The following ANKS1B variants were observed in gnomAD, a reference collection of about 807,000 sequenced individuals.
ANKS1B encodes ankyrin repeat and sterile alpha motif domain-containing protein 1B.
A neutral mutation model predicts 148.3 loss-of-function variants in ANKS1B; 36 were observed. That is an observed-to-expected ratio of 0.24 (90% confidence interval 0.19 to 0.32). The LOEUF is 0.32. Ranked by LOEUF, ANKS1B falls within the 10% of genes least tolerant of loss-of-function variation. ANKS1B has a pLI of 1.00. For missense variants in ANKS1B, 1,157 were observed against 1,542.6 expected, an observed-to-expected ratio of 0.75 and a Z score of 4.19; for synonymous variants, 542 against 560.8, an observed-to-expected ratio of 0.97 and a Z score of 0.47.
chr12:98,876,761 CT>C (rs1266532714), intron 17 of ANKS1B, among the ~76,000 whole-genome samples: 2 of 152,144 alleles, frequency 1.3e-5, no homozygotes, highest in Non-Finnish European at 2.9e-5. Context: ...AGATACCAAA[CT>C]TTTTAGTTAC....
At chr12:99,560,808 T>C (rs964307991) in intron 9 of ANKS1B, among the ~76,000 whole-genome samples, 14 of 151,572 alleles carry the variant, frequency 9.2e-5, no homozygotes, top group African/African-American at 2.9e-4. Flanking sequence ...TTGCTGAAGA[T>C]TGGGGTTGCA....
At chr12:99,191,819 G>A (rs1016489787) in intron 14 of ANKS1B, among the ~76,000 whole-genome samples, 1 of 152,118 alleles carries the variant, frequency 6.6e-6, no homozygotes, top group African/African-American at 2.4e-5. Context: ...TTCTCCACAT[G>A]TATTTCGGAA....
At chr12:99,628,469 G>A (rs1320756524) in intron 9 of ANKS1B, among the ~76,000 whole-genome samples, 1 of 152,134 alleles carries the variant, frequency 6.6e-6, no homozygotes, top group Non-Finnish European at 1.5e-5. Context: ...CTGGTTACAT[G>A]TGAAAAATAC....
intron 15 of ANKS1B, 76 bp from the exon 16 acceptor site, chr12:99,085,099 C>T (rs1272348938): frequency 8.1e-7 from 1 of 1,232,000 alleles, no homozygotes; most frequent in Admixed American, 2.1e-5. Flanking sequence ...TTATTTAATA[C>T]AGAGAAAACC....
intron 12 of ANKS1B, among the ~76,000 whole-genome samples, chr12:99,370,838 T>C (rs547477754): frequency 7.9e-5 from 12 of 152,200 alleles, no homozygotes; most frequent in Admixed American, 3.3e-4. Context: ...ACAACAAACA[T>C]TGGAATATAG....
At chr12:99,642,880 G>A (rs929074965) in intron 9 of ANKS1B, among the ~76,000 whole-genome samples, 4 of 152,082 alleles carry the variant, frequency 2.6e-5, no homozygotes, top group Admixed American at 2.6e-4. Flanking sequence ...TGTATTCCTT[G>A]GCTCATAGCC....
chr12:99,398,279 T>C, intron 12 of ANKS1B, among the ~76,000 whole-genome samples: 1 of 152,168 alleles, frequency 6.6e-6, no homozygotes, highest in Non-Finnish European at 1.5e-5. Flanking sequence ...AAAGTAATTC[T>C]CTGACTATAT....
intron 12 of ANKS1B, among the ~76,000 whole-genome samples, chr12:99,318,146 C>A (rs1268610197): frequency 6.6e-6 from 1 of 152,078 alleles, no homozygotes; most frequent in Non-Finnish European, 1.5e-5. Flanking sequence ...TGTGTCTCTG[C>A]CAGGCTTTGG....
At position 99,087,761 on chromosome 12, in the gene ANKS1B, G is replaced by T. The variant is rs141089457; in HGVS notation, c.2527-2738C>A. On this transcript the variant is annotated intron_variant, in intron 15 of 26. Transcript: ENST00000683438. Reference sequence around the variant, plus strand: ...CAGCCCATGTAGAATAGAGGACCTGGTTTTTTTGCAGAAACAGAAAGCATA... The same window carrying T: ...CAGCCCATGTAGAATAGAGGACCTGTTTTTTTTGCAGAAACAGAAAGCATA... Among the ~76,000 whole-genome samples the T allele has an allele frequency of 3.3e-3, 504 of 152,202 alleles. 3 individuals are homozygous for T. Among genetic ancestry groups the T allele is most frequent in the African/African-American group, 0.012 (487 of 41,524 alleles).
intron 12 of ANKS1B, among the ~76,000 whole-genome samples, chr12:99,278,155 C>T (rs1045235447): frequency 1.3e-5 from 2 of 152,204 alleles, no homozygotes; most frequent in African/African-American, 4.8e-5. Context: ...CTCTAGCTCC[C>T]TTCATTTAAG....
intron 12 of ANKS1B, among the ~76,000 whole-genome samples, chr12:99,316,200 T>A (rs889569164): frequency 3.3e-5 from 5 of 152,216 alleles, no homozygotes; most frequent in African/African-American, 1.2e-4. Context: ...ATGGGATTGC[T>A]GGGTCAAATG....
At chr12:98,842,650 T>C (rs1166161019) in intron 17 of ANKS1B, among the ~76,000 whole-genome samples, 2 of 152,172 alleles carry the variant, frequency 1.3e-5, no homozygotes, top group Non-Finnish European at 2.9e-5. Flanking sequence ...CAGTATCGTA[T>C]AAATAAGGCC....
intron 10 of ANKS1B, among the ~76,000 whole-genome samples, chr12:99,495,383 T>C (rs11109869): frequency 0.22 from 27,107 of 123,510 alleles, 2,536 homozygotes; most frequent in Middle Eastern, 0.24. Flanking sequence ...GTGTGTGTAG[T>C]TTATAATATT....
intron 8 of ANKS1B, among the ~76,000 whole-genome samples, chr12:99,691,636 C>T (rs2098679860): frequency 6.6e-6 from 1 of 152,164 alleles, no homozygotes; most frequent in African/African-American, 2.4e-5. Context: ...TTTCATTGTC[C>T]ATATCACTAT....
At chr12:98,933,323 T>C (rs1394637152) in intron 17 of ANKS1B, among the ~76,000 whole-genome samples, 1 of 152,306 alleles carries the variant, frequency 6.6e-6, no homozygotes, top group East Asian at 1.9e-4. Context: ...CAGAGTTTCC[T>C]TCTTTTTAAA....
chr12:99,276,823 C>T (rs2153994380), intron 12 of ANKS1B, among the ~76,000 whole-genome samples: 1 of 152,262 alleles, frequency 6.6e-6, no homozygotes, highest in East Asian at 1.9e-4. Context: ...TAAGATTGTG[C>T]TACATATCAG....
intron 17 of ANKS1B, among the ~76,000 whole-genome samples, chr12:99,001,972 G>A (rs1268678429): frequency 1.3e-5 from 2 of 152,056 alleles, no homozygotes; most frequent in Non-Finnish European, 2.9e-5. Context: ...TGTTGCAAAT[G>A]GCAGGATTTT....
intron 10 of ANKS1B, among the ~76,000 whole-genome samples, chr12:99,479,953 T>C (rs2096384470): frequency 6.6e-6 from 1 of 151,896 alleles, no homozygotes. Flanking sequence ...TAGTTTGATT[T>C]ATCCATTCCA....
intron 25 of ANKS1B, among the ~76,000 whole-genome samples, chr12:98,769,352 A>C (rs1303181001): frequency 6.6e-6 from 1 of 151,956 alleles, no homozygotes; most frequent in East Asian, 1.9e-4. Context: ...AGAATTGCTC[A>C]AAGTCCCAGG....
Sources: gnomAD v4.1 joint callset for allele counts (sites outside exome capture counted in the v4.1 genomes callset) on GRCh38, gnomAD v4.1.1 for gene constraint, MANE v1.5 for transcripts, NCBI Gene and HGNC (gene_info 2026-07-23, HGNC 2026-07-21) for gene names.